The following GRID2 variants were observed in gnomAD, a reference collection of about 807,000 sequenced individuals.
The protein encoded by GRID2 is glutamate ionotropic receptor delta type subunit 2, also known as glutamate receptor ionotropic, delta-2.
A neutral mutation model predicts 114.8 loss-of-function variants in GRID2; 33 were observed. The observed-to-expected ratio is 0.29, with a 90% confidence interval of 0.22 to 0.38. The LOEUF (loss-of-function observed/expected upper bound fraction) is 0.38, where lower values mean the gene tolerates loss of function less well. Ranked by LOEUF, GRID2 falls within the 10% of genes least tolerant of loss-of-function variation. The pLI is 1.00. For synonymous variants in GRID2, 505 were observed against 449.9 expected (o/e 1.12, Z -1.55); for missense variants, 1,184 against 1,257.7 (o/e 0.94, Z 0.89).
intron 1 of GRID2, among the ~76,000 whole-genome samples, chr4:92,455,517 T>C (rs1024990553): frequency 1.3e-5 from 2 of 152,124 alleles, no homozygotes; most frequent in Non-Finnish European, 2.9e-5. Flanking sequence ...GAAGTGGTAC[T>C]GGAGCAGATG....
chr4:92,423,102 C>T (rs1056029800), intron 1 of GRID2, among the ~76,000 whole-genome samples: 5 of 151,972 alleles, frequency 3.3e-5, no homozygotes, highest in Admixed American at 1.3e-4. Context: ...TAGATTCTAG[C>T]GAGCCAACGC....
chr4:92,936,317 A>G (rs1204008723), intron 2 of GRID2, among the ~76,000 whole-genome samples: 1 of 146,550 alleles, frequency 6.8e-6, no homozygotes, highest in East Asian at 2.2e-4. Flanking sequence ...TAGTTTAAAA[A>G]TAGAAAAAAA....
At chr4:92,308,944 A>G (rs1264668549) in intron 1 of GRID2, among the ~76,000 whole-genome samples, 1 of 152,038 alleles carries the variant, frequency 6.6e-6, no homozygotes, top group East Asian at 1.9e-4. Flanking sequence ...TCTTCTCTGT[A>G]TCATTAATAC....
intron 2 of GRID2, among the ~76,000 whole-genome samples, chr4:93,078,786 CTA>C (rs1189191188): frequency 6.9e-6 from 1 of 143,886 alleles, no homozygotes; most frequent in Non-Finnish European, 1.5e-5. Context: ...ACTGTATATA[CTA>C]AATATAATTA....
At chr4:92,508,337 G>T (rs2149129328) in intron 1 of GRID2, among the ~76,000 whole-genome samples, 1 of 151,976 alleles carries the variant, frequency 6.6e-6, no homozygotes, top group African/African-American at 2.4e-5. Context: ...TTAAGGTATG[G>T]CAGTAAATAC....
intron 13 of GRID2, among the ~76,000 whole-genome samples, chr4:93,539,475 A>G (rs1363295956): frequency 6.6e-6 from 1 of 151,938 alleles, no homozygotes; most frequent in Non-Finnish European, 1.5e-5. Context: ...ATTTCTATCG[A>G]TATGGTAAAA....
At chr4:92,426,905 C>A (rs571816400) in intron 1 of GRID2, among the ~76,000 whole-genome samples, 1 of 152,110 alleles carries the variant, frequency 6.6e-6, no homozygotes, top group East Asian at 1.9e-4. Flanking sequence ...GTGAGCCATC[C>A]AAGGGCTCAT....
chr4:93,605,542 C>T (rs1740144967), intron 13 of GRID2, among the ~76,000 whole-genome samples: 1 of 152,054 alleles, frequency 6.6e-6, no homozygotes, highest in Non-Finnish European at 1.5e-5. Flanking sequence ...TTACTTGGTC[C>T]TTATTACCAA....
intron 10 of GRID2, among the ~76,000 whole-genome samples, chr4:93,438,057 G>A (rs1721267081): frequency 6.6e-6 from 1 of 152,034 alleles, no homozygotes; most frequent in South Asian, 2.1e-4. Flanking sequence ...TGTTTACTTT[G>A]TATGCCAAGC....
At chr4:92,652,520 A>T (rs1029076653) in intron 2 of GRID2, among the ~76,000 whole-genome samples, 2 of 151,678 alleles carry the variant, frequency 1.3e-5, no homozygotes, top group Non-Finnish European at 2.9e-5. Flanking sequence ...TCTACAAAAA[A>T]AAAAATTAAA....
chr4:92,909,739 T>C (rs949781632), intron 2 of GRID2, among the ~76,000 whole-genome samples: 1 of 152,200 alleles, frequency 6.6e-6, no homozygotes, highest in Non-Finnish European at 1.5e-5. Context: ...CCTTCTGTTA[T>C]TTTAAAACCC....
chr4:93,033,762 G>T (rs1724661533), intron 2 of GRID2, among the ~76,000 whole-genome samples: 1 of 151,874 alleles, frequency 6.6e-6, no homozygotes, highest in Admixed American at 6.6e-5. Context: ...TCTGTTTGTG[G>T]ATGCTTTTAT....
At chr4:92,800,184 G>A (rs1174902881) in intron 2 of GRID2, among the ~76,000 whole-genome samples, 1 of 151,796 alleles carries the variant, frequency 6.6e-6, no homozygotes, top group East Asian at 1.9e-4. Context: ...GATATCAGTG[G>A]AATACTATAT....
chr4:93,091,970 C>T (rs551000793), intron 3 of GRID2, among the ~76,000 whole-genome samples: 2 of 152,240 alleles, frequency 1.3e-5, no homozygotes, highest in South Asian at 4.1e-4. Context: ...TAATCCCACA[C>T]GACTTTCATG....
At chr4:93,678,908 A>G (rs1223266943) in intron 14 of GRID2, among the ~76,000 whole-genome samples, 1 of 151,038 alleles carries the variant, frequency 6.6e-6, no homozygotes, top group African/African-American at 2.5e-5. Flanking sequence ...TAATGACAGG[A>G]TCAAATTCAC....
intron 9 of GRID2, among the ~76,000 whole-genome samples, chr4:93,399,797 A>T (rs558904569): frequency 5.3e-5 from 8 of 152,194 alleles, no homozygotes; most frequent in African/African-American, 1.7e-4. Context: ...TCCAACCAGA[A>T]GTCAGAGGTT....
At chr4:92,896,014 G>T (rs913227770) in intron 2 of GRID2, among the ~76,000 whole-genome samples, 4 of 152,112 alleles carry the variant, frequency 2.6e-5, no homozygotes, top group African/African-American at 7.2e-5. Context: ...AATTATTTTT[G>T]ATTTAGGGAC....
At chr4:93,280,578 T>C (rs938842246) in intron 8 of GRID2, among the ~76,000 whole-genome samples, 1 of 151,912 alleles carries the variant, frequency 6.6e-6, no homozygotes, top group African/African-American at 2.4e-5. Flanking sequence ...TAAATCTTGG[T>C]TTATTATTCT....
intron 2 of GRID2, among the ~76,000 whole-genome samples, chr4:92,696,833 G>A (rs1579861957): frequency 6.6e-6 from 1 of 152,132 alleles, no homozygotes; most frequent in Non-Finnish European, 1.5e-5. Context: ...CTACTGTGAA[G>A]CTGAGCCTCT....
Sources: gnomAD v4.1 joint callset for allele counts (sites outside exome capture counted in the v4.1 genomes callset) on GRCh38, gnomAD v4.1.1 for gene constraint, MANE v1.5 for transcripts, NCBI Gene and HGNC (gene_info 2026-07-23, HGNC 2026-07-21) for gene names.